The following KCNJ4 variants were observed in gnomAD, a reference collection of about 807,000 sequenced individuals.
The protein encoded by KCNJ4 is potassium inwardly rectifying channel subfamily J member 4, also known as inward rectifier potassium channel 4.
Under a neutral mutation model 25.6 loss-of-function variants are expected in KCNJ4, and 3 were observed. That is an observed-to-expected ratio of 0.12 (90% CI 0.05 to 0.30). KCNJ4 has a LOEUF of 0.30. Among genes scored for constraint, KCNJ4 ranks in the 10% least tolerant of loss-of-function variants. KCNJ4 has a pLI of 1.00. For missense variants in KCNJ4, 286 were observed against 666.8 expected (o/e 0.43, Z 6.29); for synonymous variants, 257 against 283.9 (o/e 0.91, Z 0.95).
At chr22:38,448,434 G>A (rs2089390508) in intron 1 of KCNJ4, among the ~76,000 whole-genome samples, 1 of 152,126 alleles carries the variant, frequency 6.6e-6, no homozygotes, top group African/African-American at 2.4e-5. Flanking sequence ...AAGGTCATGC[G>A]GAGCCAGTGA....
chr22:38,442,544 C>CAAAAAAA lies in KCNJ4; in HGVS notation c.-40+12429_-40+12435dup, dbSNP rs10631730. On this transcript the variant is annotated intron_variant, in intron 1 of 1. Transcript: ENST00000303592. The stretch of plus-strand genomic sequence containing the variant: ...CCTGGGTGACAGAGCAAGACTCCAT[C>CAAAAAAA]AAAAAAAAAAAAAAAAAAGGACTGT... Among the ~76,000 whole-genome samples, 3 of 93,910 alleles carry CAAAAAAA rather than the reference C, an allele frequency of 3.2e-5. 1 individual carries two copies. The highest frequency in any genetic ancestry group is 1.2e-4 in the Admixed American group (1 of 8,146). 61.6% of individuals were successfully genotyped at this position (93,910 alleles called of 152,430 possible). A position where few individuals can be genotyped will look rare whatever the true frequency, so the allele number is the denominator to read the frequency against.
At chr22:38,437,845 G>A (rs2089303316) in intron 1 of KCNJ4, among the ~76,000 whole-genome samples, 1 of 152,178 alleles carries the variant, frequency 6.6e-6, no homozygotes, top group African/African-American at 2.4e-5. Flanking sequence ...GCTCATGCCT[G>A]TAATCCTAGC....
intron 1 of KCNJ4, among the ~76,000 whole-genome samples, chr22:38,433,181 CTCACGCCT>C (rs1163859843): frequency 3.9e-5 from 6 of 152,074 alleles, no homozygotes; most frequent in Non-Finnish European, 7.4e-5. Flanking sequence ...GGTGCGGTGG[CTCACGCCT>C]GTAATCCCAG....
chr22:38,451,049 G>A (rs996454538), intron 1 of KCNJ4, among the ~76,000 whole-genome samples: 7 of 152,180 alleles, frequency 4.6e-5, no homozygotes, highest in African/African-American at 1.7e-4. Context: ...ATAACACGGG[G>A]ACATCAAATC....
At chr22:38,445,057 G>A (rs936343773) in intron 1 of KCNJ4, among the ~76,000 whole-genome samples, 1 of 152,060 alleles carries the variant, frequency 6.6e-6, no homozygotes, top group Non-Finnish European at 1.5e-5. Context: ...GCATGTGTGC[G>A]TGCATGCGTG....
rs575452322 is a variant in KCNJ4 at position 38,426,609 on chromosome 22, G to C, written c.*186C>G. 152 of 723,964 alleles carry C rather than the reference G, an allele frequency of 2.1e-4. No homozygotes were observed. The African/African-American group carries it at 2.4e-3, about 11-fold the overall frequency. The allele number at this position is 723,964 out of a possible 1,614,324, so 44.8% of individuals were successfully genotyped here. ...GGCGGAACTCAGGCTGATCGGGGCCGAGCTCTTCCCAGGCCTGGGTGCTGG... is the reference window on the plus strand; with the variant it reads ...GGCGGAACTCAGGCTGATCGGGGCCCAGCTCTTCCCAGGCCTGGGTGCTGG... On this transcript the variant is annotated 3_prime_UTR_variant, in exon 2 of 2. Coordinates refer to ENST00000303592, the MANE Select transcript of KCNJ4 (RefSeq NM_152868.3).
intron 1 of KCNJ4, among the ~76,000 whole-genome samples, chr22:38,447,977 T>G (rs2089386140): frequency 6.7e-6 from 1 of 148,164 alleles, no homozygotes; most frequent in Non-Finnish European, 1.5e-5. Flanking sequence ...GGCGGAAGAA[T>G]CACTTGAATC....
chr22:38,429,083 CA>C lies in KCNJ4; in HGVS notation c.-39-913del, dbSNP rs10582408. On this transcript the variant is annotated intron_variant, in intron 1 of 1. Coordinates refer to ENST00000303592, the MANE Select transcript of KCNJ4 (RefSeq NM_152868.3). ...TGGGTCACAGAGCAAGACCCCATGT[CA>C]AAAAAAAAAAAAAAAAAAAAAAGAA... is the stretch of plus-strand genomic sequence containing the variant. Among the ~76,000 whole-genome samples, 839 of 108,796 alleles carry C rather than the reference CA, an allele frequency of 7.7e-3. 3 individuals carry two copies. Among genetic ancestry groups the C allele is most frequent in the African/African-American group, 0.014 (406 of 29,224 alleles). 71.4% of individuals were successfully genotyped at this position (108,796 alleles called of 152,430 possible).
At chr22:38,436,209 C>T (rs1418977809) in intron 1 of KCNJ4, among the ~76,000 whole-genome samples, 2 of 152,222 alleles carry the variant, frequency 1.3e-5, no homozygotes, top group African/African-American at 2.4e-5. Context: ...GGATCATGCA[C>T]ACCACGTGCC....
At chr22:38,446,415 T>C (rs2089375133) in intron 1 of KCNJ4, among the ~76,000 whole-genome samples, 1 of 150,766 alleles carries the variant, frequency 6.6e-6, no homozygotes, top group South Asian at 2.1e-4. Context: ...TGAAGCCTCA[T>C]GGCGGGGCTG....
intron 1 of KCNJ4, among the ~76,000 whole-genome samples, chr22:38,429,504 G>A (rs1230246001): frequency 1.3e-5 from 2 of 152,174 alleles, no homozygotes; most frequent in African/African-American, 4.8e-5. Flanking sequence ...CATGTAACAT[G>A]GGCACCAAAA....
rs2093036844 is a variant in KCNJ4, at chr22:38,427,643, C to T, written c.490G>A (p.Asp164Asn). 6.2e-7 allele frequency: 1 copy of T among 1,613,188 alleles called. No individual in the cohort carries two copies. The highest frequency in any genetic ancestry group is 8.5e-7 in the Non-Finnish European group (1 of 1,179,972). The change falls in exon 2 of 2, where the codon GAC becomes AAC. Residue 164 changes from aspartate (D) to asparagine (N), a missense_variant. Physicochemically the swap from Asp to Asn is conservative, Grantham distance 23. Around this residue, in one of 11 missense-constraint regions of KCNJ4, gnomAD observed 29 missense variants for 107.7 expected, o/e 0.27. Coordinates refer to ENST00000303592, the MANE Select transcript of KCNJ4 (RefSeq NM_152868.3). ...ATGATGGTGCCAATCATGAAGGAGT[C>T]GATGACGCAGCCCACGATGGACTGG... The part of the protein sequence containing the change: ...VVQSIVGCVI[D>N]SFMIGTIMAK...
At chr22:38,440,865 C>T (rs1359817377) in intron 1 of KCNJ4, among the ~76,000 whole-genome samples, 1 of 152,102 alleles carries the variant, frequency 6.6e-6, no homozygotes, top group African/African-American at 2.4e-5. Context: ...TCGGGAGCGA[C>T]GGTTTCTAGT....
chr22:38,426,690 C>A lies in KCNJ4; in HGVS notation c.*105G>T. ...AAACCCCCACCTTCCTCCAGAAGGTCCACGGAGCCAGGGTTGGCTCTGTCC... is the reference window on the plus strand; with the variant it reads ...AAACCCCCACCTTCCTCCAGAAGGTACACGGAGCCAGGGTTGGCTCTGTCC... On this transcript the variant is annotated 3_prime_UTR_variant, in exon 2 of 2. Coordinates refer to ENST00000303592, the MANE Select transcript of KCNJ4 (RefSeq NM_152868.3). The A allele has an allele frequency of 7.2e-7, 1 of 1,382,872 alleles. No homozygotes were observed. The highest frequency in any genetic ancestry group is 9.9e-7 in the Non-Finnish European group (1 of 1,014,456). 85.7% of individuals were successfully genotyped at this position (1,382,872 alleles called of 1,614,324 possible).
intron 1 of KCNJ4, among the ~76,000 whole-genome samples, chr22:38,450,856 T>C (rs1279819465): frequency 6.6e-6 from 1 of 152,166 alleles, no homozygotes; most frequent in South Asian, 2.1e-4. Context: ...TGGGGGCGTC[T>C]AGACCATCTC....
chr22:38,432,276 T>TA (rs11446601), intron 1 of KCNJ4, among the ~76,000 whole-genome samples: 1 of 144,274 alleles, frequency 6.9e-6, no homozygotes, highest in South Asian at 2.1e-4. Context: ...AATAAATAAA[T>TA]AAATAAATAA....
chr22:38,434,908 C>A (rs1293813521), intron 1 of KCNJ4, among the ~76,000 whole-genome samples: 1 of 152,238 alleles, frequency 6.6e-6, no homozygotes, highest in African/African-American at 2.4e-5. Flanking sequence ...GTACCTTCCT[C>A]ACCAGGCCGC....
rs1034772342 is a variant in KCNJ4, at chr22:38,443,612, C to T, written c.-40+11368G>A. The stretch of plus-strand genomic sequence containing the variant: ...ACATGCACTTAGTGTTCACTGAGGG[C>T]CATGCACTGACTGGTCCACACCTGC... On this transcript the variant is annotated intron_variant, in intron 1 of 1. Coordinates refer to ENST00000303592, the MANE Select transcript of KCNJ4 (RefSeq NM_152868.3). The surrounding 1 kb of genome is among the most constrained non-coding windows in gnomAD (Gnocchi z 4.1). Among the ~76,000 whole-genome samples the T allele has an allele frequency of 6.6e-6, 1 of 152,222 alleles. No homozygotes were observed. Among genetic ancestry groups the T allele is most frequent in the African/African-American group, 2.4e-5 (1 of 41,448 alleles).
intron 1 of KCNJ4, among the ~76,000 whole-genome samples, chr22:38,446,272 T>G (rs2145946196): frequency 6.6e-6 from 1 of 152,372 alleles, no homozygotes; most frequent in South Asian, 2.1e-4. Context: ...GGGACAGCTC[T>G]GGCAAGTGGT....
Sources: gnomAD v4.1 joint callset for allele counts (sites outside exome capture counted in the v4.1 genomes callset) on GRCh38, gnomAD v4.1.1 for gene constraint, gnomAD v4.1.1 regional missense constraint, Gnocchi (gnomAD v3.1) non-coding constraint, MANE v1.5 for transcripts, NCBI Gene and HGNC (gene_info 2026-07-23, HGNC 2026-07-21) for gene names.